Variants in TMEM223 observed in about 807,000 individuals in gnomAD.
TMEM223 encodes the protein transmembrane protein 223.
In TMEM223, 14 loss-of-function variants were observed where a neutral mutation model predicts 14.1. The ratio of observed to expected loss-of-function variants is 0.99; its 90% CI spans 0.66 to 1.55. TMEM223 has a LOEUF of 1.55. Among genes scored for constraint, TMEM223 ranks in the 40% most tolerant of loss-of-function variants. TMEM223 has a pLI of 0.00. For synonymous variants in TMEM223, 145 were observed against 120.5 expected, an observed-to-expected ratio of 1.20 and a Z score of -1.33; for missense variants, 346 against 269.9, an observed-to-expected ratio of 1.28 and a Z score of -1.97.
intron 1 of TMEM223, chr11:62,775,654 C>T: frequency 1.7e-6 from 2 of 1,167,460 alleles, no homozygotes; most frequent in Non-Finnish European, 2.4e-6. Context: ...ACTCAGAGCT[C>T]CTTGTTTAGA....
At chr11:62,781,735 G>T (rs2084231382) in intron 1 of TMEM223, 11 of 646,152 alleles carry the variant, frequency 1.7e-5, no homozygotes, top group Non-Finnish European at 3.0e-5. Flanking sequence ...ATGAGTTTCT[G>T]TAGGTTACAT....
chr11:62,779,513 C>T (rs959013730), intron 1 of TMEM223, among the ~76,000 whole-genome samples: 3 of 151,502 alleles, frequency 2.0e-5, no homozygotes, highest in Admixed American at 6.6e-5. Flanking sequence ...TTAATAGAGA[C>T]GGGGGTTTCA....
At position 62,790,395 on chromosome 11, in the gene TMEM223, G is replaced by T. The variant is rs1291663184; in HGVS notation, c.*228C>A. 1.8e-6 allele frequency: 1 copy of T among 567,034 alleles called. No homozygotes were observed. The highest frequency in any genetic ancestry group is 3.1e-6 in the Non-Finnish European group (1 of 326,050). 35.1% of individuals were successfully genotyped at this position (567,034 alleles called of 1,614,324 possible). A position where few individuals can be genotyped will look rare whatever the true frequency, so the allele number is the denominator to read the frequency against. On this transcript the variant is annotated 3_prime_UTR_variant, in exon 2 of 2. Coordinates refer to ENST00000307366, the MANE Select transcript of TMEM223 (RefSeq NM_001080501.3). ...GTTGTTAATGAATCTTGACCTCCTT[G>T]TGTGACCCTGGTTGTTACTCCATTC...
downstream of TMEM223, among the ~76,000 whole-genome samples, chr11:62,784,741 T>C (rs939197651): frequency 3.3e-5 from 5 of 152,248 alleles, no homozygotes; most frequent in Non-Finnish European, 5.9e-5. Context: ...AAACAATCTT[T>C]ATAGTTCCAT....
At chr11:62,783,342 TGTG>T (rs1351667715), downstream of TMEM223, among the ~76,000 whole-genome samples, 1 of 151,818 alleles carries the variant, frequency 6.6e-6, no homozygotes, top group African/African-American at 2.4e-5. Flanking sequence ...ATTAGCCTGG[TGTG>T]GTGGCGGGCG....
intron 1 of TMEM223, chr11:62,774,737 A>T (rs925482938): frequency 2.0e-5 from 9 of 447,058 alleles, no homozygotes; most frequent in Non-Finnish European, 4.1e-5. Context: ...ATAGGCAGAA[A>T]GCCCAGCTAC....
chr11:62,781,816 C>CT, intron 1 of TMEM223: 1 of 1,202,010 alleles, frequency 8.3e-7, no homozygotes, highest in South Asian at 1.2e-5. Flanking sequence ...AGGTGATACA[C>CT]TGTCTTCCAG....
chr11:62,787,404 A>G (rs1162098788), downstream of TMEM223: 2 of 1,556,706 alleles, frequency 1.3e-6, no homozygotes, highest in Admixed American at 1.9e-5. Context: ...GTGCTGCTGC[A>G]GCGGCGCTTC....
chr11:62,773,008 A>AT (rs1283108341), intron 2 of TMEM223, among the ~76,000 whole-genome samples: 2 of 138,874 alleles, frequency 1.4e-5, no homozygotes, highest in South Asian at 2.3e-4. Context: ...CTCCTGGGTA[A>AT]TTTTTTGTAT....
At position 62,790,612 on chromosome 11, in the gene TMEM223, A is replaced by G. The variant is rs1175556757; in HGVS notation, c.*11T>C. The G allele has an allele frequency of 6.2e-7, 1 of 1,600,392 alleles. No individual in the cohort carries two copies. Among genetic ancestry groups the G allele is most frequent in the South Asian group, 1.1e-5 (1 of 89,510 alleles). ...TCCTCTTGGAGAGGTGAGTGACTTG[A>G]GGTCATTTCTTCACAAGCTCCGGTA... On this transcript the variant is annotated 3_prime_UTR_variant, in exon 2 of 2. Transcript: ENST00000307366.
At chr11:62,786,841 A>G (rs1462770455), downstream of TMEM223, 1 of 1,600,296 alleles carries the variant, frequency 6.2e-7, no homozygotes, top group South Asian at 1.1e-5. Context: ...GCCCGGGGAC[A>G]AGAAGGAGCC....
At chr11:62,780,635 AG>A (rs1238426226) in intron 1 of TMEM223, among the ~76,000 whole-genome samples, 1 of 152,154 alleles carries the variant, frequency 6.6e-6, no homozygotes, top group African/African-American at 2.4e-5. Flanking sequence ...ATAAAAACAT[AG>A]AAAAAGAAAG....
At chr11:62,781,251 A>AT (rs1406087013) in intron 1 of TMEM223, among the ~76,000 whole-genome samples, 1 of 151,666 alleles carries the variant, frequency 6.6e-6, no homozygotes, top group Non-Finnish European at 1.5e-5. Flanking sequence ...AAAAAAAAAA[A>AT]GAAAAAGAAA....
In TMEM223 at chr11:62,790,447, T is replaced by TG; in HGVS notation, c.*175_*176insC. The TG allele has an allele frequency of 1.6e-6, 1 of 618,840 alleles. No individual in the cohort carries two copies. The highest frequency in any genetic ancestry group is 2.7e-6 in the Non-Finnish European group (1 of 372,596). The allele number at this position is 618,840 out of a possible 1,614,324, so 38.3% of individuals were successfully genotyped here. On this transcript the variant is annotated 3_prime_UTR_variant, in exon 2 of 2. Coordinates refer to ENST00000307366, the MANE Select transcript of TMEM223 (RefSeq NM_001080501.3). ...AAGATTGGCGTTTTTTTTTGTTTTT[T>TG]TTTTTGTAAATAGAGACAAGGTCTC...
rs1180529493 is a variant in TMEM223 at position 62,779,057 on chromosome 11, G to A, written c.315-4392C>T. The A allele has an allele frequency of 2.6e-5, 28 of 1,088,012 alleles. No homozygotes were observed. In the Admixed American group the frequency reaches 5.7e-4, roughly 22 times the overall value. 67.4% of individuals were successfully genotyped at this position (1,088,012 alleles called of 1,614,324 possible). A position where few individuals can be genotyped will look rare whatever the true frequency, so the allele number is the denominator to read the frequency against. ...TTTTTTGAGACAGAGTTTCGCTCTT[G>A]TTGCCCAGGCTGGAGTGCAATGGCA... On this transcript the variant is annotated intron_variant, in intron 1 of 2. Coordinates refer to the TMEM223 transcript ENST00000528367.
chr11:62,778,876 T>C (rs2084206409), intron 1 of TMEM223: 2 of 1,614,078 alleles, frequency 1.2e-6, no homozygotes, highest in Non-Finnish European at 1.7e-6. Context: ...CAGTGCCCAG[T>C]GCTGTGTCTT....
At chr11:62,786,956 C>G, downstream of TMEM223, 3 of 1,447,950 alleles carry the variant, frequency 2.1e-6, no homozygotes, top group Non-Finnish European at 2.7e-6. Context: ...GGAGGCGGCC[C>G]CGCGTCGGCC....
At chr11:62,777,658 G>A (rs1159396799) in intron 1 of TMEM223, among the ~76,000 whole-genome samples, 1 of 152,180 alleles carries the variant, frequency 6.6e-6, no homozygotes, top group Non-Finnish European at 1.5e-5. Context: ...GAGAGAGGAA[G>A]GCTATGTTTA....
At chr11:62,787,293 C>T (rs372003013), downstream of TMEM223, 11 of 1,539,588 alleles carry the variant, frequency 7.1e-6, 1 homozygote, top group South Asian at 5.9e-5. Context: ...ACTTGCCGCT[C>T]TGAGTCAGTG....
Sources: allele counts gnomAD v4.1 joint callset (sites outside exome capture counted in the v4.1 genomes callset), GRCh38; gene constraint gnomAD v4.1.1; transcripts MANE v1.5; gene names NCBI Gene and HGNC (gene_info 2026-07-23, HGNC 2026-07-21).